The following MYO5B variants were observed in gnomAD, a reference collection of about 807,000 sequenced individuals.
MYO5B encodes the protein unconventional myosin-Vb.
A neutral mutation model predicts 229.3 loss-of-function variants in MYO5B; 143 were observed. That is an observed-to-expected ratio of 0.62 (90% confidence interval 0.54 to 0.72). MYO5B has a LOEUF of 0.72. MYO5B is among the 30% of genes least tolerant of loss of function. The pLI, the probability that MYO5B is intolerant of heterozygous loss-of-function variation, is 0.00. For synonymous variants in MYO5B, 918 were observed against 885.2 expected, an observed-to-expected ratio of 1.04 and a Z score of -0.66; for missense variants, 2,321 against 2,331.0, an observed-to-expected ratio of 1.00 and a Z score of 0.09.
intron 4 of MYO5B, among the ~76,000 whole-genome samples, chr18:50,023,413 T>C (rs1190687575): frequency 2.0e-5 from 3 of 152,134 alleles, no homozygotes; most frequent in African/African-American, 4.8e-5. Flanking sequence ...CTGGACTATT[T>C]TGGTTATTAT....
chr18:49,853,400 C>T, intron 31 of MYO5B, 49 bp downstream of exon 31: 2 of 1,605,802 alleles, frequency 1.2e-6, no homozygotes, highest in Non-Finnish European at 1.7e-6. Flanking sequence ...CCATTTGCTT[C>T]TAGAACGTGA....
intron 4 of MYO5B, among the ~76,000 whole-genome samples, chr18:50,022,401 T>C (rs989272911): frequency 2.6e-5 from 4 of 152,340 alleles, no homozygotes; most frequent in African/African-American, 9.6e-5. Flanking sequence ...CAGGGAAATA[T>C]TTTTGAAATA....
At position 49,974,415 on chromosome 18, in the gene MYO5B, G is replaced by A; in HGVS notation, c.1257C>T (p.His419=). The A allele has an allele frequency of 6.2e-7, 1 of 1,614,184 alleles. No individual in the cohort carries two copies. The highest frequency in any genetic ancestry group is 1.1e-5 in the South Asian group (1 of 91,084). ...GGGAGGTGTGCAGGGCCTTGTTGAT[G>A]TGCTCCACAATCCAGCCGAACAACT... The part of the protein sequence containing the change: ...YAQLFGWIVE[H]INKALHTSLK... The change falls in exon 10 of 40, where the codon CAC becomes CAT. Residue 419 remains histidine (H), a synonymous_variant. Transcript: ENST00000285039.
At chr18:50,130,078 A>C (rs1005570624) in intron 1 of MYO5B, among the ~76,000 whole-genome samples, 2 of 152,182 alleles carry the variant, frequency 1.3e-5, no homozygotes, top group Non-Finnish European at 2.9e-5. Context: ...AGCTCCTCAA[A>C]AACAGAAACA....
chr18:50,104,097 G>C (rs1023189427), intron 1 of MYO5B, among the ~76,000 whole-genome samples: 10 of 146,932 alleles, frequency 6.8e-5, no homozygotes, highest in Non-Finnish European at 1.3e-4. Flanking sequence ...CCAGGAGTTT[G>C]AGTTTACAGT....
chr18:50,053,417 C>T (rs1426086459), intron 2 of MYO5B, among the ~76,000 whole-genome samples: 1 of 152,146 alleles, frequency 6.6e-6, no homozygotes, highest in African/African-American at 2.4e-5. Context: ...TCCTCACTAC[C>T]TCCGTGCAAC....
intron 1 of MYO5B, among the ~76,000 whole-genome samples, chr18:50,144,483 T>C (rs1010561983): frequency 4.6e-5 from 7 of 152,194 alleles, no homozygotes; most frequent in Non-Finnish European, 7.3e-5. Context: ...TCAGTCCTTT[T>C]TGACAGTCCC....
intron 1 of MYO5B, among the ~76,000 whole-genome samples, chr18:50,115,547 G>GAGACACACACACAC (rs1212559551): frequency 8.0e-6 from 1 of 125,180 alleles, no homozygotes; most frequent in South Asian, 2.5e-4. Flanking sequence ...CACACAGAGA[G>GAGACACACACACAC]ACACACACAC....
intron 39 of MYO5B, among the ~76,000 whole-genome samples, chr18:49,828,620 C>T (rs2023876461): frequency 6.6e-6 from 1 of 152,140 alleles, no homozygotes; most frequent in Non-Finnish European, 1.5e-5. Context: ...TAGCAGCATA[C>T]ACATTCTTCT....
At chr18:50,025,795 T>A (rs2026324540) in intron 4 of MYO5B, among the ~76,000 whole-genome samples, 2 of 152,122 alleles carry the variant, frequency 1.3e-5, no homozygotes, top group Admixed American at 1.3e-4. Flanking sequence ...GTGGGACAGC[T>A]TTTTCCTCTG....
At chr18:50,139,897 G>C (rs1169460011) in intron 1 of MYO5B, among the ~76,000 whole-genome samples, 1 of 152,134 alleles carries the variant, frequency 6.6e-6, no homozygotes, top group South Asian at 2.1e-4. Flanking sequence ...CATCAGTGTA[G>C]TCTACACATA....
At chr18:49,839,056 G>T (rs2024024342) in intron 36 of MYO5B, 88 bp downstream of exon 36, 2 of 1,534,980 alleles carry the variant, frequency 1.3e-6, no homozygotes, top group Admixed American at 3.3e-5. Flanking sequence ...AAGATATCTG[G>T]TTCCCGAAAG....
chr18:49,948,058 T>A (rs2025393830), intron 14 of MYO5B, among the ~76,000 whole-genome samples: 1 of 101,398 alleles, frequency 9.9e-6, no homozygotes. Flanking sequence ...ACTTAAAGTA[T>A]AATAATAATA....
At chr18:49,839,776 G>A (rs2024034655) in intron 35 of MYO5B, 1 of 220,540 alleles carries the variant, frequency 4.5e-6, no homozygotes, top group African/African-American at 2.3e-5. Flanking sequence ...ATGAACTAAA[G>A]TGATTTCATA....
At chr18:49,964,205 TTTG>T (rs1413854684) in intron 10 of MYO5B, among the ~76,000 whole-genome samples, 2 of 152,236 alleles carry the variant, frequency 1.3e-5, no homozygotes, top group African/African-American at 4.8e-5. Context: ...GGAACTAATG[TTTG>T]TTATGACCCC....
chr18:50,059,175 C>A (rs945448626), intron 1 of MYO5B, among the ~76,000 whole-genome samples: 4 of 152,202 alleles, frequency 2.6e-5, no homozygotes, highest in African/African-American at 9.7e-5. Flanking sequence ...AACAGATGCT[C>A]ACTAAATGTT....
At chr18:49,873,691 G>A (rs1455988063) in intron 26 of MYO5B, among the ~76,000 whole-genome samples, 2 of 152,214 alleles carry the variant, frequency 1.3e-5, no homozygotes, top group African/African-American at 4.8e-5. Context: ...TCAGAAAGTG[G>A]AGGTCACCTA....
chr18:49,924,318 A>G (rs1404374020), intron 17 of MYO5B, among the ~76,000 whole-genome samples: 1 of 152,208 alleles, frequency 6.6e-6, no homozygotes, highest in Admixed American at 6.5e-5. Context: ...TGAGAACTCT[A>G]GATACATTAT....
chr18:49,859,283 C>G (rs892914204), intron 29 of MYO5B, among the ~76,000 whole-genome samples: 1 of 152,184 alleles, frequency 6.6e-6, no homozygotes, highest in Admixed American at 6.5e-5. Context: ...AACCTTATTG[C>G]AAAGGTTTCT....
Sources: gnomAD v4.1 joint callset for allele counts (sites outside exome capture counted in the v4.1 genomes callset) on GRCh38, gnomAD v4.1.1 for gene constraint, MANE v1.5 for transcripts, NCBI Gene and HGNC (gene_info 2026-07-23, HGNC 2026-07-21) for gene names.